Variants in RNF213 observed in about 807,000 individuals in gnomAD.
RNF213 encodes ring finger protein 213.
RNF213 carries 341 observed loss-of-function variants against 514.4 expected under a neutral mutation model. The ratio of observed to expected loss-of-function variants is 0.66; its 90% CI spans 0.61 to 0.73. The LOEUF (loss-of-function observed/expected upper bound fraction) is 0.73, where lower values mean the gene tolerates loss of function less well. RNF213 is among the 30% of genes least tolerant of loss of function. RNF213 has a pLI of 0.00. For missense variants in RNF213, 5,767 were observed against 6,615.6 expected (o/e 0.87, Z 4.45); for synonymous variants, 2,655 against 2,658.2 (o/e 1.00, Z 0.04).
chr17:80,388,564 G>T, intron 63 of RNF213, 48 bp from the exon 64 acceptor site: 1 of 1,235,478 alleles, frequency 8.1e-7, no homozygotes, highest in Non-Finnish European at 1.2e-6. Context: ...TGCTGGAAAT[G>T]TCCACGATGG....
In RNF213 at chr17:80,345,483, T is replaced by G; in HGVS notation, c.7148T>G (p.Ile2383Ser). Residue 2383 changes from isoleucine to serine, a missense_variant, in exon 29 of 68, where the codon ATC becomes AGC. Physicochemically the swap from Ile to Ser is moderately radical, Grantham distance 142. Coordinates refer to ENST00000582970, the MANE Select transcript of RNF213 (RefSeq NM_001256071.3). The surrounding 1 kb of genome is among the most constrained non-coding windows in gnomAD (Gnocchi z 6.0). ...KLERLCLTLG[I>S]PQATDPDKTY... The stretch of plus-strand genomic sequence containing the variant: ...GAGAGGCTCTGCCTGACCTTAGGGA[T>G]CCCCCAGGCCACCGACCCCGACAAA... 6.2e-7 allele frequency: 1 copy of G among 1,609,732 alleles called. No individual in the cohort carries two copies. The highest frequency in any genetic ancestry group is 8.5e-7 in the Non-Finnish European group (1 of 1,176,980).
At chr17:80,281,244 T>TG (rs2044255952) in intron 3 of RNF213, among the ~76,000 whole-genome samples, 1 of 14,322 alleles carries the variant, frequency 7.0e-5, no homozygotes, top group Admixed American at 1.2e-3. Flanking sequence ...CACACACACC[T>TG]CAACACACAT....
chr17:80,286,629 C>T (rs1304742547), intron 3 of RNF213, among the ~76,000 whole-genome samples: 1 of 152,110 alleles, frequency 6.6e-6, no homozygotes, highest in African/African-American at 2.4e-5. Context: ...GGTGGATTAG[C>T]CCCTGGGCTG....
intron 36 of RNF213, 180 bp downstream of exon 36, chr17:80,354,756 C>G (rs1026488229): frequency 1.4e-5 from 10 of 725,078 alleles, no homozygotes; most frequent in Non-Finnish European, 2.3e-5. Flanking sequence ...GGACAGTGGC[C>G]AAATGGCAGG....
chr17:80,390,379 C>T (rs1013412430), intron 67 of RNF213, among the ~76,000 whole-genome samples, 183 bp downstream of exon 67: 5 of 152,180 alleles, frequency 3.3e-5, no homozygotes, highest in Admixed American at 2.6e-4. Context: ...TTTCTTTAAG[C>T]AATTACACAA....
At position 80,398,342 on chromosome 17, in the gene RNF213, C is replaced by T. The variant is rs535408662; in HGVS notation, c.*4844C>T. ...GTCTTGAAGAAGCATGGGTCAAGCA[C>T]AAAGTAAGACCACCCCACTAGGAAC... is the stretch of plus-strand genomic sequence containing the variant. On this transcript the variant is annotated 3_prime_UTR_variant, in exon 68 of 68. Coordinates refer to ENST00000582970, the MANE Select transcript of RNF213 (RefSeq NM_001256071.3). The T allele has an allele frequency of 6.6e-6, 1 of 152,082 alleles. No homozygotes were observed. The highest frequency in any genetic ancestry group is 1.9e-4 in the East Asian group (1 of 5,178). 9.4% of individuals were successfully genotyped at this position (152,082 alleles called of 1,614,324 possible).
In RNF213 at chr17:80,346,160, G is replaced by A; in HGVS notation, c.7825G>A (p.Glu2609Lys). 3 of 1,614,200 alleles carry A rather than the reference G, an allele frequency of 1.9e-6. No homozygotes were observed. The highest frequency in any genetic ancestry group is 2.5e-6 in the Non-Finnish European group (3 of 1,180,044). ...ACTGGTTGAGTCCATCAGCCTAGATGAAAACGGGACTCGCGTGATCACAGA... is the reference window on the plus strand; with the variant it reads ...ACTGGTTGAGTCCATCAGCCTAGATAAAAACGGGACTCGCGTGATCACAGA... ...QRLVESISLD[E>K]NGTRVITEVL... Residue 2609 changes from glutamate to lysine, a missense_variant, in exon 29 of 68, where the codon GAA (glutamate) becomes AAA (lysine). By Grantham distance (56) the Glu-to-Lys change is moderately conservative. Transcript: ENST00000582970. The surrounding 1 kb of genome is among the most constrained non-coding windows in gnomAD (Gnocchi z 8.1).
chr17:80,364,633 G>A (rs1043205684), intron 42 of RNF213, 80 bp downstream of exon 42: 15 of 1,575,432 alleles, frequency 9.5e-6, no homozygotes, highest in Admixed American at 1.7e-5. Context: ...AGTGATCTGC[G>A]GCTGGGAGAC....
chr17:80,369,652 C>T lies in RNF213; in HGVS notation c.12306C>T (p.Arg4102=). Residue 4102 remains arginine (R), a synonymous_variant, in exon 45 of 68, where the codon CGC becomes CGT. Transcript: ENST00000582970. ...CTCTCCTCTTCGTCCAAAAGGGGCG[C>T]TTAAGAGATGCTGCCCAGAGTAGGT... is the stretch of plus-strand genomic sequence containing the variant. ...LLSLLFVQKG[R]LRDAAQRHCE... is the part of the protein sequence containing the mutation. 1.2e-6 allele frequency: 2 copies of T among 1,614,228 alleles called. No homozygotes were observed. The highest frequency in any genetic ancestry group is 1.7e-6 in the Non-Finnish European group (2 of 1,180,042).
chr17:80,342,480 T>C (rs1365964814), intron 26 of RNF213, among the ~76,000 whole-genome samples: 1 of 151,892 alleles, frequency 6.6e-6, no homozygotes, highest in African/African-American at 2.4e-5. Flanking sequence ...AGAAGTAACT[T>C]CTAGTGGATC....
chr17:80,374,426 T>C (rs368062489), intron 49 of RNF213, 32 bp from the exon 50 acceptor site: 6 of 1,613,658 alleles, frequency 3.7e-6, no homozygotes, highest in Non-Finnish European at 4.2e-6. Context: ...ATTCCTCCCA[T>C]TGTTCACCCC....
At chr17:80,388,188 T>C (rs1041815771) in intron 63 of RNF213, among the ~76,000 whole-genome samples, 7 of 152,140 alleles carry the variant, frequency 4.6e-5, no homozygotes, top group Non-Finnish European at 1.0e-4. Flanking sequence ...ATGGTCTCGA[T>C]CTCTTGACTT....
At chr17:80,294,521 G>A (rs1283125377) in intron 8 of RNF213, among the ~76,000 whole-genome samples, 199 bp from the exon 9 acceptor site, 3 of 152,168 alleles carry the variant, frequency 2.0e-5, no homozygotes, top group African/African-American at 7.2e-5. Flanking sequence ...CTGTTTGCAC[G>A]GGGCTGGCCT....
chr17:80,319,657 C>A, intron 17 of RNF213: 1 of 1,489,830 alleles, frequency 6.7e-7, no homozygotes, highest in South Asian at 1.3e-5. Flanking sequence ...TTAACACTTG[C>A]TCAGTAGGTG....
intron 2 of RNF213, among the ~76,000 whole-genome samples, chr17:80,269,871 G>C (rs1359516885): frequency 6.6e-6 from 1 of 152,182 alleles, no homozygotes; most frequent in Non-Finnish European, 1.5e-5. Flanking sequence ...TATTTAATGA[G>C]TTAACATGTA....
chr17:80,371,407 G>T (rs1273646299), intron 46 of RNF213, among the ~76,000 whole-genome samples: 1 of 152,276 alleles, frequency 6.6e-6, no homozygotes, highest in African/African-American at 2.4e-5. Flanking sequence ...TGACTTCCAG[G>T]AGCCAGGCCC....
chr17:80,304,951 G>C (rs914692498), intron 11 of RNF213, among the ~76,000 whole-genome samples: 9 of 152,154 alleles, frequency 5.9e-5, no homozygotes, highest in Admixed American at 2.6e-4. Flanking sequence ...CACGTGAGTG[G>C]AATCACACAG....
Position 80,389,894 on chromosome 17 carries a change from G to C in RNF213, c.15262G>C (p.Glu5088Gln). The C allele has an allele frequency of 6.2e-7, 1 of 1,614,228 alleles. No homozygotes were observed. Among genetic ancestry groups the C allele is most frequent in the Non-Finnish European group, 8.5e-7 (1 of 1,180,040 alleles). ...LWQFLSAHKS[E>Q]QLLRLHKEPF... is the part of the protein sequence containing the mutation. ...GCAGTTCCTGTCTGCTCATAAGTCTGAACAGCTGCTGCGGCTGCACAAAGT... is the reference window on the plus strand; with the variant it reads ...GCAGTTCCTGTCTGCTCATAAGTCTCAACAGCTGCTGCGGCTGCACAAAGT... The change falls in exon 66 of 68, where the codon GAA becomes CAA. Residue 5088 changes from glutamate (E) to glutamine (Q), a missense_variant. Glu to Gln is a conservative substitution (Grantham distance 29, BLOSUM62 2). Around this residue, in one of 13 missense-constraint regions of RNF213, gnomAD observed 1,245 missense variants for 1,339.0 expected, o/e 0.93. Transcript: ENST00000582970.
intron 14 of RNF213, among the ~76,000 whole-genome samples, chr17:80,310,498 C>CTGCCT (rs1426847764): frequency 6.6e-6 from 1 of 151,978 alleles, no homozygotes; most frequent in Non-Finnish European, 1.5e-5. Flanking sequence ...CGTGATCCAC[C>CTGCCT]TGCCTTGGCC....
Sources: allele counts gnomAD v4.1 joint callset (sites outside exome capture counted in the v4.1 genomes callset), GRCh38; gene constraint gnomAD v4.1.1; regional missense constraint gnomAD v4.1.1; non-coding constraint Gnocchi (gnomAD v3.1); transcripts MANE v1.5; gene names NCBI Gene and HGNC (gene_info 2026-07-23, HGNC 2026-07-21).